Variants in SGPP1 observed in about 807,000 individuals in gnomAD.
The protein encoded by SGPP1 is sphingosine-1-phosphate phosphatase 1, also known as hSPP1.
Under a neutral mutation model 33.0 loss-of-function variants are expected in SGPP1, and 21 were observed. That is an observed-to-expected ratio of 0.64 (90% confidence interval 0.45 to 0.92). The LOEUF is 0.92. Among genes scored for constraint, SGPP1 ranks in the 40% least tolerant of loss-of-function variants. The pLI, the probability that SGPP1 is intolerant of heterozygous loss-of-function variation, is 0.00. For missense variants in SGPP1, 543 were observed against 589.4 expected, an observed-to-expected ratio of 0.92 and a Z score of 0.81; for synonymous variants, 239 against 241.2, an observed-to-expected ratio of 0.99 and a Z score of 0.08.
intron 2 of SGPP1, among the ~76,000 whole-genome samples, chr14:63,696,828 A>G (rs1040523688): frequency 2.0e-5 from 3 of 152,140 alleles, no homozygotes; most frequent in Admixed American, 6.6e-5. Flanking sequence ...TCTACTAAAA[A>G]TACAAAAATT....
intron 1 of SGPP1, among the ~76,000 whole-genome samples, chr14:63,702,657 C>A (rs56253722): frequency 0.012 from 1,832 of 152,138 alleles, 21 homozygotes; most frequent in Non-Finnish European, 0.018. Context: ...TTGCAGTGAG[C>A]CGAGATTGCG....
chr14:63,695,004 C>T (rs1468791880), intron 2 of SGPP1, among the ~76,000 whole-genome samples: 1 of 152,032 alleles, frequency 6.6e-6, no homozygotes, highest in African/African-American at 2.4e-5. Flanking sequence ...TTTGCTGAGA[C>T]TGAAATTCAG....
intron 2 of SGPP1, among the ~76,000 whole-genome samples, chr14:63,698,126 A>G (rs1353599277): frequency 6.6e-6 from 1 of 152,230 alleles, no homozygotes; most frequent in Non-Finnish European, 1.5e-5. Flanking sequence ...GATGGGAAAG[A>G]AAAGAAAAGT....
Position 63,710,039 on chromosome 14 carries a change from A to C in SGPP1, c.685-11381T>G, listed in dbSNP as rs572602287. Among the ~76,000 whole-genome samples the C allele has an allele frequency of 3.9e-5, 6 of 152,336 alleles. No individual in the cohort carries two copies. In the South Asian group the frequency reaches 8.3e-4, roughly 21 times the overall value. Reference sequence around the variant, plus strand: ...GTCTTTAATACAATTTAAATTTTTCAGAGTAACTTAAATATGGAAGGCAGG... The same window carrying C: ...GTCTTTAATACAATTTAAATTTTTCCGAGTAACTTAAATATGGAAGGCAGG... On this transcript the variant is annotated intron_variant, in intron 1 of 2. Transcript: ENST00000247225.
At chr14:63,715,055 G>A (rs1885593348) in intron 1 of SGPP1, among the ~76,000 whole-genome samples, 1 of 138,938 alleles carries the variant, frequency 7.2e-6, no homozygotes, top group African/African-American at 2.7e-5. Flanking sequence ...GAGATGGAGT[G>A]TTGCTCTTGT....
In SGPP1 at chr14:63,727,136, T is replaced by C. The variant is rs374233187; in HGVS notation, c.684+125A>G. 8.5e-5 allele frequency: 119 copies of C among 1,398,638 alleles called. 1 individual carries two copies. The East Asian group carries it at 2.2e-3, about 26-fold the overall frequency. The allele number at this position is 1,398,638 out of a possible 1,614,324, so 86.6% of individuals were successfully genotyped here. On this transcript the variant is annotated intron_variant, in intron 1 of 2. Transcript: ENST00000247225. ...CCAGAAAGGGCCTGTTTGCGAGTAT[T>C]GTGAAAACCTGTGGAAAGAGAGGCT...
rs556089381 is a variant in SGPP1 at position 63,728,013 on chromosome 14, C to G, written c.-69G>C. On this transcript the variant is annotated 5_prime_UTR_variant, in exon 1 of 3. Transcript: ENST00000247225. ...CCCGAACTGTCCCCGCGCTCCTGGC[C>G]AGCGGCAGCGGAACCGGCACAGCGC... 816 of 1,427,628 alleles carry G rather than the reference C, an allele frequency of 5.7e-4. 1 individual carries two copies. In the African/African-American group the frequency reaches 0.011, roughly 20 times the overall value. The allele number at this position is 1,427,628 out of a possible 1,614,324, so 88.4% of individuals were successfully genotyped here. A position where few individuals can be genotyped will look rare whatever the true frequency, so the allele number is the denominator to read the frequency against.
intron 1 of SGPP1, among the ~76,000 whole-genome samples, chr14:63,713,282 C>T (rs1426698621): frequency 6.6e-6 from 1 of 152,220 alleles, no homozygotes; most frequent in East Asian, 1.9e-4. Flanking sequence ...TACTTCTCAG[C>T]TTGCCAAGCA....
At chr14:63,726,875 T>C (rs928013220) in intron 1 of SGPP1, among the ~76,000 whole-genome samples, 2 of 152,192 alleles carry the variant, frequency 1.3e-5, no homozygotes, top group Non-Finnish European at 2.9e-5. Context: ...GAAGGCACCA[T>C]ATATTACGGT....
At chr14:63,691,085 A>T (rs1407301571) in intron 2 of SGPP1, among the ~76,000 whole-genome samples, 1 of 152,262 alleles carries the variant, frequency 6.6e-6, no homozygotes, top group Non-Finnish European at 1.5e-5. Context: ...ATTGTACAAT[A>T]GTAAGTAAAT....
At chr14:63,694,650 C>G (rs969517034) in intron 2 of SGPP1, among the ~76,000 whole-genome samples, 1 of 152,162 alleles carries the variant, frequency 6.6e-6, no homozygotes, top group Non-Finnish European at 1.5e-5. Flanking sequence ...TGTTGGCTAT[C>G]ATTTTGATAT....
chr14:63,706,912 A>G (rs1032602787), intron 1 of SGPP1, among the ~76,000 whole-genome samples: 1 of 151,844 alleles, frequency 6.6e-6, no homozygotes. Context: ...GCCTGGTAGC[A>G]TGCGCCTGTA....
chr14:63,724,096 T>TC (rs1885829005), intron 1 of SGPP1, among the ~76,000 whole-genome samples: 1 of 151,896 alleles, frequency 6.6e-6, no homozygotes, highest in South Asian at 2.1e-4. Flanking sequence ...CCCAGGCTGG[T>TC]CTCCAACTCC....
rs1460493016 is a variant in SGPP1, at chr14:63,685,697, G to A, written c.*408C>T. On this transcript the variant is annotated 3_prime_UTR_variant, in exon 3 of 3. Coordinates refer to ENST00000247225, the MANE Select transcript of SGPP1 (RefSeq NM_030791.4). ...TACCTGTATGTAGTTCAAATACACA[G>A]GCACAACTGTTTGCATATTATTATT... The A allele has an allele frequency of 6.6e-6, 1 of 151,050 alleles. No homozygotes were observed. The highest frequency in any genetic ancestry group is 1.5e-5 in the Non-Finnish European group (1 of 67,706). The allele number at this position is 151,050 out of a possible 1,614,324, so 9.4% of individuals were successfully genotyped here. A position where few individuals can be genotyped will look rare whatever the true frequency, so the allele number is the denominator to read the frequency against.
rs36009863 is a variant in SGPP1 at position 63,718,247 on chromosome 14, C to CAA, written c.684+9012_684+9013dup. Among the ~76,000 whole-genome samples, 9 of 103,690 alleles carry CAA rather than the reference C, an allele frequency of 8.7e-5. No homozygotes were observed. The South Asian group carries it at 1.8e-3, about 21-fold the overall frequency. 68.0% of individuals were successfully genotyped at this position (103,690 alleles called of 152,430 possible). On this transcript the variant is annotated intron_variant, in intron 1 of 2. Coordinates refer to ENST00000247225, the MANE Select transcript of SGPP1 (RefSeq NM_030791.4). ...TGGGGAACAGCGCAAGACTCCATCT[C>CAA]AAAAAAAAAAAAAAGAAGTGCCAAG...
chr14:63,694,407 T>G (rs1248908077), intron 2 of SGPP1, among the ~76,000 whole-genome samples: 1 of 152,200 alleles, frequency 6.6e-6, no homozygotes, highest in Non-Finnish European at 1.5e-5. Flanking sequence ...AATCCATTAT[T>G]TGTTGTCCTC....
rs752176842 is a variant in SGPP1 at position 63,686,223 on chromosome 14, C to T, written c.1208G>A (p.Arg403Gln). 15 of 1,613,952 alleles carry T rather than the reference C, an allele frequency of 9.3e-6. No individual in the cohort carries two copies. The Middle Eastern group carries it at 4.9e-4, about 53-fold the overall frequency. ...KIFNIPCDDI[R>Q]KARQHMEVEL... ...AACTTCCATGTGCTGTCTTGCTTTT[C>T]GAATATCATCACACGGTATATTGAA... Residue 403 changes from arginine (R) to glutamine (Q), a missense_variant, in exon 3 of 3, where the codon CGA becomes CAA. Arg to Gln is a conservative substitution (Grantham distance 43). Transcript: ENST00000247225.
At chr14:63,724,991 G>GGA (rs1555333714) in intron 1 of SGPP1, among the ~76,000 whole-genome samples, 16 of 146,860 alleles carry the variant, frequency 1.1e-4, no homozygotes, top group African/African-American at 4.0e-4. Context: ...GACTCTTAGG[G>GGA]AAAAAAAAAA....
intron 1 of SGPP1, among the ~76,000 whole-genome samples, chr14:63,726,543 G>C (rs2139658647): frequency 6.6e-6 from 1 of 152,222 alleles, no homozygotes; most frequent in East Asian, 1.9e-4. Flanking sequence ...CTATCTTTAA[G>C]AATAACTTTT....
Sources: gnomAD v4.1 joint callset for allele counts (sites outside exome capture counted in the v4.1 genomes callset) on GRCh38, gnomAD v4.1.1 for gene constraint, MANE v1.5 for transcripts, NCBI Gene and HGNC (gene_info 2026-07-23, HGNC 2026-07-21) for gene names.